HPS4: variants seen among roughly 807,000 people sequenced by gnomAD.
The protein encoded by HPS4 is BLOC-3 complex member HPS4.
In HPS4, 44 loss-of-function variants were observed where a neutral mutation model predicts 70.3. The ratio of observed to expected loss-of-function variants is 0.63; its 90% confidence interval spans 0.49 to 0.80. The LOEUF is 0.80. Ranked by LOEUF, HPS4 falls within the 30% of genes least tolerant of loss-of-function variation. The pLI is 0.00. For synonymous variants in HPS4, 377 were observed against 355.9 expected (o/e 1.06, Z -0.67); for missense variants, 873 against 884.4 (o/e 0.99, Z 0.16).
intron 9 of HPS4, 48 bp from the exon 10 acceptor site, chr22:26,465,599 G>A: frequency 2.0e-6 from 3 of 1,473,890 alleles, no homozygotes; most frequent in Non-Finnish European, 2.8e-6. Context: ...GAGCCAGAGA[G>A]GGCAGCGGGG....
Position 26,477,030 on chromosome 22 carries a change from A to C in HPS4, c.239T>G (p.Leu80Arg), listed in dbSNP as rs1569119557. The C allele has an allele frequency of 1.2e-6, 2 of 1,614,188 alleles. No individual in the cohort carries two copies. The highest frequency in any genetic ancestry group is 8.5e-7 in the Non-Finnish European group (1 of 1,180,008). Reference sequence around the variant, plus strand: ...TCCATCAACTTTTATGGCAAACTTCAGTTTTCTCAGACGAACAAGAGTAGG... The same window carrying C: ...TCCATCAACTTTTATGGCAAACTTCCGTTTTCTCAGACGAACAAGAGTAGG... ...SPPTLVRLRK[L>R]KFAIKVDGDY... Residue 80 changes from leucine (L) to arginine (R), a missense_variant, in exon 4 of 14, where the codon CTG (leucine) becomes CGG (arginine). Physicochemically the swap from Leu to Arg is moderately radical, Grantham distance 102. Coordinates refer to ENST00000398145, the MANE Select transcript of HPS4 (RefSeq NM_022081.6).
intron 5 of HPS4, 30 bp downstream of exon 5, chr22:26,472,802 A>T (rs201060756): frequency 6.6e-7 from 1 of 1,524,882 alleles, no homozygotes. Context: ...AAGAGGCCCA[A>T]TGTAAGACTC....
intron 2 of HPS4, among the ~76,000 whole-genome samples, chr22:26,479,920 A>C (rs2146995308): frequency 6.6e-6 from 1 of 152,338 alleles, no homozygotes; most frequent in South Asian, 2.1e-4. Flanking sequence ...GGGGCCTATG[A>C]GAATTTACAG....
At chr22:26,471,463 C>T (rs1257055010) in intron 6 of HPS4, 4 of 450,668 alleles carry the variant, frequency 8.9e-6, no homozygotes, top group Admixed American at 2.4e-5. Flanking sequence ...CAGACTTCCA[C>T]CTGCCAGCTA....
Position 26,463,907 on chromosome 22 carries a change from G to C in HPS4, c.1713+10C>G. 2 of 1,612,200 alleles carry C rather than the reference G, an allele frequency of 1.2e-6. No individual in the cohort carries two copies. The highest frequency in any genetic ancestry group is 1.1e-5 in the South Asian group (1 of 90,966). Reference sequence around the variant, plus strand: ...CGCAGAGGGGCAGGAGAAGGTCTGAGGACACTCACCACTTCCTCTATGGCT... The same window carrying C: ...CGCAGAGGGGCAGGAGAAGGTCTGACGACACTCACCACTTCCTCTATGGCT... On this transcript the variant is annotated intron_variant, in intron 11 of 13. Transcript: ENST00000398145.
In HPS4 at chr22:26,479,284, C is replaced by T. The variant is rs1286705357; in HGVS notation, c.113G>A (p.Cys38Tyr). 1 of 1,614,168 alleles carries T rather than the reference C, an allele frequency of 6.2e-7. No individual in the cohort carries two copies. The highest frequency in any genetic ancestry group is 8.5e-7 in the Non-Finnish European group (1 of 1,180,010). The change falls in exon 3 of 14, where the codon TGT becomes TAT. Residue 38 changes from cysteine (C) to tyrosine (Y), a missense_variant. By Grantham distance (194) the Cys-to-Tyr change is radical (BLOSUM62 -2). Transcript: ENST00000398145. ...EEGDPTRAGI[C>Y]YFYPSQTLLD... ...GCTTACCTGGGAAGGATAAAAGTAACAAATGCCAGCTCTTGTTGGATCGCC... is the reference window on the plus strand; with the variant it reads ...GCTTACCTGGGAAGGATAAAAGTAATAAATGCCAGCTCTTGTTGGATCGCC...
At chr22:26,462,526 A>G (rs2087513872) in intron 11 of HPS4, among the ~76,000 whole-genome samples, 1 of 152,266 alleles carries the variant, frequency 6.6e-6, no homozygotes, top group Admixed American at 6.5e-5. Context: ...AGGCTTGGCT[A>G]AAACGAGAGA....
At chr22:26,473,330 C>T (rs1180789508) in intron 4 of HPS4, among the ~76,000 whole-genome samples, 1 of 152,154 alleles carries the variant, frequency 6.6e-6, no homozygotes. Context: ...GATTCCATTA[C>T]AAACAATGGA....
intron 2 of HPS4, among the ~76,000 whole-genome samples, chr22:26,480,337 A>G (rs575248703): frequency 3.3e-5 from 5 of 151,282 alleles, no homozygotes; most frequent in South Asian, 2.1e-4. Flanking sequence ...ATGCTCGGCT[A>G]TTTTTTTTTA....
In HPS4 at chr22:26,483,717, A is replaced by G; in HGVS notation, c.-522T>C. The G allele has an allele frequency of 2.3e-6, 1 of 427,728 alleles. No individual in the cohort carries two copies. The highest frequency in any genetic ancestry group is 4.0e-6 in the Non-Finnish European group (1 of 252,814). 26.5% of individuals were successfully genotyped at this position (427,728 alleles called of 1,614,324 possible). A position where few individuals can be genotyped will look rare whatever the true frequency, so the allele number is the denominator to read the frequency against. ...CAGTGCTCGGGGTTCGGGACTCTGGACCAGAAATGTGGGCAGCAGCTGGGT... is the reference window on the plus strand; with the variant it reads ...CAGTGCTCGGGGTTCGGGACTCTGGGCCAGAAATGTGGGCAGCAGCTGGGT... On this transcript the variant is annotated 5_prime_UTR_variant, in exon 1 of 14. Transcript: ENST00000398145.
At chr22:26,458,099 A>G in intron 12 of HPS4, 132 bp from the exon 13 acceptor site, 1 of 816,292 alleles carries the variant, frequency 1.2e-6, no homozygotes, top group Middle Eastern at 3.4e-4. Context: ...GGGCAGAGAC[A>G]AAGGCCCGGG....
intron 13 of HPS4, among the ~76,000 whole-genome samples, chr22:26,455,763 AGCTGTTGTTT>A (rs2086007851): frequency 6.6e-6 from 1 of 152,032 alleles, no homozygotes; most frequent in African/African-American, 2.4e-5. Flanking sequence ...AAGAAATGGT[AGCTGTTGTTT>A]CTATTACTGT....
At chr22:26,449,006 G>A (rs1476606167), downstream of HPS4, among the ~76,000 whole-genome samples, 1 of 152,144 alleles carries the variant, frequency 6.6e-6, no homozygotes, top group Admixed American at 6.5e-5. Context: ...TTCAGGGGTT[G>A]GGAGAGGAGT....
intron 12 of HPS4, among the ~76,000 whole-genome samples, 162 bp downstream of exon 12, chr22:26,458,283 A>C (rs1222099251): frequency 2.0e-5 from 3 of 152,240 alleles, no homozygotes; most frequent in African/African-American, 7.2e-5. Flanking sequence ...AGTGAACGCC[A>C]CACTCAGTGG....
At position 26,477,285 on chromosome 22, in the gene HPS4, T is replaced by A. The variant is rs1196310985; in HGVS notation, c.133-149A>T. On this transcript the variant is annotated intron_variant, in intron 3 of 13. Transcript: ENST00000398145. The stretch of plus-strand genomic sequence containing the variant: ...AGCTAAGAATGGTTCTTATACTTTT[T>A]AAAGGTTACAACAAAGAAGAACATG... 4 of 801,722 alleles carry A rather than the reference T, an allele frequency of 5.0e-6. No individual in the cohort carries two copies. The African/African-American group carries it at 6.8e-5, about 14-fold the overall frequency. 49.7% of individuals were successfully genotyped at this position (801,722 alleles called of 1,614,324 possible).
At chr22:26,483,398 GGGCTGGTGATACT>G (rs1274106295) in intron 1 of HPS4, among the ~76,000 whole-genome samples, 13 of 152,232 alleles carry the variant, frequency 8.5e-5, no homozygotes, top group African/African-American at 2.9e-4. Flanking sequence ...CGCGGGGCTG[GGGCTGGTGATACT>G]GCTGTGGGAA....
At chr22:26,455,579 T>C (rs1316983785) in intron 13 of HPS4, among the ~76,000 whole-genome samples, 1 of 95,406 alleles carries the variant, frequency 1.0e-5, no homozygotes, top group Non-Finnish European at 1.9e-5. Flanking sequence ...CTGGGGCCTG[T>C]TGTAGGGTGG....
intron 10 of HPS4, 99 bp from the exon 11 acceptor site, chr22:26,464,925 G>C (rs991421524): frequency 8.5e-7 from 1 of 1,181,196 alleles, no homozygotes; most frequent in South Asian, 1.5e-5. Context: ...CAAGGACAAG[G>C]GGGTGCCTGA....
In HPS4 at chr22:26,451,226, G is replaced by A. The variant is rs536065020; in HGVS notation, c.*2007C>T. ...GTCCGTCGCTTGGCCCGTACTCTGG[G>A]GGCGCTAATTTTGAGGGGATGGGCC... On this transcript the variant is annotated 3_prime_UTR_variant, in exon 14 of 14. Transcript: ENST00000398145. 6.6e-6 allele frequency among the ~76,000 whole-genome samples: 1 copy of A among 152,292 alleles called. No homozygotes were observed. Among genetic ancestry groups the A allele is most frequent in the Admixed American group, 6.5e-5 (1 of 15,304 alleles).
Sources: allele counts gnomAD v4.1 joint callset (sites outside exome capture counted in the v4.1 genomes callset), GRCh38; gene constraint gnomAD v4.1.1; transcripts MANE v1.5; gene names NCBI Gene and HGNC (gene_info 2026-07-23, HGNC 2026-07-21).